Variants in UXS1 observed in about 807,000 individuals in gnomAD.
UXS1 encodes the protein UDP-glucuronate decarboxylase 1.
UXS1 carries 33 observed loss-of-function variants against 62.6 expected under a neutral mutation model. The observed-to-expected ratio is 0.53, with a 90% CI of 0.40 to 0.70. The LOEUF is 0.70. Among genes scored for constraint, UXS1 ranks in the 30% least tolerant of loss-of-function variants. The pLI, the probability that UXS1 is intolerant of heterozygous loss-of-function variation, is 0.00. For synonymous variants in UXS1, 213 were observed against 206.8 expected, an observed-to-expected ratio of 1.03 and a Z score of -0.26; for missense variants, 434 against 556.3, an observed-to-expected ratio of 0.78 and a Z score of 2.21.
intron 14 of UXS1, among the ~76,000 whole-genome samples, chr2:106,094,940 G>C (rs148683284): frequency 6.6e-6 from 1 of 152,328 alleles, no homozygotes; most frequent in African/African-American, 2.4e-5. Context: ...TGTGCAGTTT[G>C]CCAATTATAT....
At position 106,119,865 on chromosome 2, in the gene UXS1, GTTTTA is replaced by G. The variant is rs1195479196; in HGVS notation, c.759+3100_759+3104del. On this transcript the variant is annotated intron_variant, in intron 9 of 14. Transcript: ENST00000283148. ...TCACAATCTTTATATAGTGGTGTTT[GTTTTA>G]TTTTATTTTTCCCCCTTATGTTTGT... is the stretch of plus-strand genomic sequence containing the variant. Among the ~76,000 whole-genome samples the G allele has an allele frequency of 3.3e-5, 5 of 152,092 alleles. No individual in the cohort carries two copies. The South Asian group carries it at 6.2e-4, about 19-fold the overall frequency.
At position 106,126,289 on chromosome 2, in the gene UXS1, G is replaced by GA. The variant is rs535080454; in HGVS notation, c.578-611dup. Among the ~76,000 whole-genome samples the GA allele has an allele frequency of 1.7e-4, 26 of 152,246 alleles. No homozygotes were observed. In the East Asian group the frequency reaches 4.6e-3, roughly 27 times the overall value. ...TATCTATGGTGGTCAAGTAAGTATG[G>GA]AAAGTCTTCCAAACTCATTCACAGA... is the stretch of plus-strand genomic sequence containing the variant. On this transcript the variant is annotated intron_variant, in intron 7 of 14. Coordinates refer to ENST00000283148, the MANE Select transcript of UXS1 (RefSeq NM_001253875.2).
At chr2:106,187,994 G>A (rs915427728) in intron 1 of UXS1, among the ~76,000 whole-genome samples, 3 of 151,986 alleles carry the variant, frequency 2.0e-5, no homozygotes, top group African/African-American at 7.3e-5. Flanking sequence ...CACCTGCCTT[G>A]GCCTCCCAAA....
chr2:106,183,978 G>C (rs866527543), intron 1 of UXS1, among the ~76,000 whole-genome samples: 1 of 152,130 alleles, frequency 6.6e-6, no homozygotes. Flanking sequence ...GATCACCTGA[G>C]GTCGGGAGTT....
At chr2:106,185,354 C>T (rs905894236) in intron 1 of UXS1, among the ~76,000 whole-genome samples, 1 of 152,210 alleles carries the variant, frequency 6.6e-6, no homozygotes, top group Non-Finnish European at 1.5e-5. Context: ...AAGTCTTAAA[C>T]CCTGTTTCTA....
chr2:106,165,816 A>AG (rs67682917), intron 2 of UXS1, among the ~76,000 whole-genome samples: 120,027 of 151,988 alleles, frequency 0.79, 48,334 homozygotes, highest in Non-Finnish European at 0.88. Flanking sequence ...CAAGGAGGGA[A>AG]GCGGGGGTGG....
At position 106,158,039 on chromosome 2, in the gene UXS1, T is replaced by G; in HGVS notation, c.291+19A>C. The G allele has an allele frequency of 1.3e-6, 2 of 1,544,408 alleles. No individual in the cohort carries two copies. Among genetic ancestry groups the G allele is most frequent in the Non-Finnish European group, 1.8e-6 (2 of 1,138,422 alleles). Reference sequence around the variant, plus strand: ...AAGTTTCTTAATATTACAAATACTATTCAGGTGTGCAAACTTACCAAAATT... The same window carrying G: ...AAGTTTCTTAATATTACAAATACTAGTCAGGTGTGCAAACTTACCAAAATT... On this transcript the variant is annotated intron_variant, in intron 5 of 14. Coordinates refer to ENST00000283148, the MANE Select transcript of UXS1 (RefSeq NM_001253875.2).
intron 5 of UXS1, among the ~76,000 whole-genome samples, chr2:106,153,864 T>C (rs1682223412): frequency 6.6e-6 from 1 of 152,120 alleles, no homozygotes; most frequent in African/African-American, 2.4e-5. Flanking sequence ...CTTAAAGAAG[T>C]ACATAGATAA....
At chr2:106,149,434 G>A (rs1681838714) in intron 5 of UXS1, among the ~76,000 whole-genome samples, 1 of 152,198 alleles carries the variant, frequency 6.6e-6, no homozygotes, top group African/African-American at 2.4e-5. Context: ...GAAGTAAATG[G>A]ATTAATGCCA....
intron 5 of UXS1, among the ~76,000 whole-genome samples, chr2:106,154,248 TA>T (rs1282130729): frequency 5.3e-5 from 8 of 152,012 alleles, no homozygotes; most frequent in Non-Finnish European, 1.0e-4. Context: ...CAAACAAAAA[TA>T]GATGCACACA....
At chr2:106,186,158 A>G (rs998440434) in intron 1 of UXS1, among the ~76,000 whole-genome samples, 6 of 152,206 alleles carry the variant, frequency 3.9e-5, no homozygotes, top group African/African-American at 9.7e-5. Context: ...GTCAATGGAC[A>G]TGAAATGCAC....
chr2:106,161,401 G>A (rs530808203), intron 4 of UXS1, among the ~76,000 whole-genome samples: 1 of 152,258 alleles, frequency 6.6e-6, no homozygotes, highest in East Asian at 1.9e-4. Flanking sequence ...GGCCCACAAG[G>A]CTTCTTAAAG....
chr2:106,165,731 G>T (rs967675696), intron 2 of UXS1, among the ~76,000 whole-genome samples: 1 of 152,024 alleles, frequency 6.6e-6, no homozygotes, highest in Non-Finnish European at 1.5e-5. Flanking sequence ...CTTTGCAAAA[G>T]CCCCTCAGTG....
chr2:106,096,936 G>T (rs754733610), intron 13 of UXS1, 115 bp from the exon 14 acceptor site: 2 of 1,037,254 alleles, frequency 1.9e-6, no homozygotes, highest in Non-Finnish European at 2.9e-6. Flanking sequence ...GGTGCAGGCG[G>T]TGGAAATGCA....
intron 4 of UXS1, among the ~76,000 whole-genome samples, chr2:106,162,777 G>T (rs910231626): frequency 6.6e-6 from 1 of 152,142 alleles, no homozygotes; most frequent in African/African-American, 2.4e-5. Context: ...CTCAGTTGAG[G>T]ATAAGAATCA....
chr2:106,115,664 C>T (rs1198239280), intron 9 of UXS1, among the ~76,000 whole-genome samples: 1 of 152,182 alleles, frequency 6.6e-6, no homozygotes, highest in Non-Finnish European at 1.5e-5. Flanking sequence ...CTCGTCTCAT[C>T]CTGGGATTCA....
chr2:106,103,994 C>T (rs2104850253), intron 11 of UXS1, among the ~76,000 whole-genome samples: 1 of 152,314 alleles, frequency 6.6e-6, no homozygotes, highest in Non-Finnish European at 1.5e-5. Context: ...CCATCTCACC[C>T]TAGTGCCCCT....
chr2:106,127,206 C>A lies in UXS1; in HGVS notation c.578-1527G>T, dbSNP rs191195643. ...TACAAGTAAAGCTGCTATGAACATT[C>A]ACACAGGTTTTCATGTGAACATAAA... On this transcript the variant is annotated intron_variant, in intron 7 of 14. Transcript: ENST00000283148. Among the ~76,000 whole-genome samples, 157 of 152,282 alleles carry A rather than the reference C, an allele frequency of 1.0e-3. 1 individual carries two copies. Among genetic ancestry groups the A allele is most frequent in the African/African-American group, 3.4e-3 (142 of 41,558 alleles).
chr2:106,147,512 G>T (rs1000659279), intron 5 of UXS1, among the ~76,000 whole-genome samples: 3 of 152,078 alleles, frequency 2.0e-5, no homozygotes, highest in Non-Finnish European at 4.4e-5. Context: ...AAGCCAGGGA[G>T]GTCAAGGCTG....
Sources: gnomAD v4.1 joint callset for allele counts (sites outside exome capture counted in the v4.1 genomes callset) on GRCh38, gnomAD v4.1.1 for gene constraint, MANE v1.5 for transcripts, NCBI Gene and HGNC (gene_info 2026-07-23, HGNC 2026-07-21) for gene names.